Variants in RNF180 observed in about 807,000 individuals in gnomAD.
RNF180 encodes ring finger protein 180, also known as E3 ubiquitin-protein ligase RNF180.
In RNF180, 38 loss-of-function variants were observed where a neutral mutation model predicts 59.2. That is an observed-to-expected ratio of 0.64 (90% CI 0.50 to 0.84). RNF180 has a LOEUF of 0.84. Among genes scored for constraint, RNF180 ranks in the 40% least tolerant of loss-of-function variants. RNF180 has a pLI of 0.00. For synonymous variants in RNF180, 262 were observed against 240.3 expected (o/e 1.09, Z -0.84); for missense variants, 705 against 700.9 (o/e 1.01, Z -0.07).
chr5:64,279,049 A>G (rs771621317), intron 5 of RNF180, among the ~76,000 whole-genome samples: 2 of 152,194 alleles, frequency 1.3e-5, no homozygotes, highest in Non-Finnish European at 2.9e-5. Flanking sequence ...ATGACTACTC[A>G]AGGAGAATGT....
chr5:64,178,068 G>C (rs1407358936), intron 1 of RNF180, among the ~76,000 whole-genome samples: 1 of 152,032 alleles, frequency 6.6e-6, no homozygotes, highest in Non-Finnish European at 1.5e-5. Context: ...GCTGGGCATG[G>C]TGGTGTGTGC....
chr5:64,181,688 G>A (rs914040013), intron 1 of RNF180, among the ~76,000 whole-genome samples: 2 of 152,006 alleles, frequency 1.3e-5, no homozygotes, highest in African/African-American at 4.8e-5. Context: ...CCAAAGTCTG[G>A]GCAGATCTCT....
upstream of RNF180, chr5:64,165,736 T>C (rs1360620756): frequency 6.6e-6 from 1 of 152,202 alleles, no homozygotes; most frequent in African/African-American, 2.4e-5. Flanking sequence ...CCGCTGGCTG[T>C]GGCGGGCGAG....
At chr5:64,345,952 A>G (rs966102775) in intron 7 of RNF180, among the ~76,000 whole-genome samples, 2 of 151,360 alleles carry the variant, frequency 1.3e-5, no homozygotes, top group Non-Finnish European at 2.9e-5. Context: ...ACATAAAATA[A>G]CCAGCTTCTA....
intron 5 of RNF180, among the ~76,000 whole-genome samples, chr5:64,233,585 A>G (rs1478198820): frequency 6.6e-6 from 1 of 152,234 alleles, no homozygotes; most frequent in Non-Finnish European, 1.5e-5. Flanking sequence ...CTATAGACCA[A>G]TGTGTATTGA....
intron 1 of RNF180, among the ~76,000 whole-genome samples, chr5:64,192,404 T>C (rs2112008785): frequency 6.6e-6 from 1 of 152,232 alleles, no homozygotes; most frequent in Non-Finnish European, 1.5e-5. Flanking sequence ...CCAGGCGCAG[T>C]GGCTCACTCC....
intron 6 of RNF180, among the ~76,000 whole-genome samples, chr5:64,327,091 A>C (rs191409545): frequency 1.3e-5 from 2 of 152,096 alleles, no homozygotes; most frequent in African/African-American, 4.8e-5. Context: ...ACTGGTATAT[A>C]TTTTGTTGTT....
At chr5:64,300,027 C>T (rs1289324595) in intron 5 of RNF180, among the ~76,000 whole-genome samples, 1 of 151,718 alleles carries the variant, frequency 6.6e-6, no homozygotes, top group East Asian at 1.9e-4. Context: ...ATCAGATTGA[C>T]TGCCACTGTG....
chr5:64,237,104 C>T (rs1742489684), intron 5 of RNF180, among the ~76,000 whole-genome samples: 1 of 152,194 alleles, frequency 6.6e-6, no homozygotes, highest in African/African-American at 2.4e-5. Flanking sequence ...CTCCAGACCC[C>T]AGAATGCTAG....
intron 5 of RNF180, among the ~76,000 whole-genome samples, chr5:64,257,363 T>G (rs1744035995): frequency 6.6e-6 from 1 of 152,206 alleles, no homozygotes; most frequent in East Asian, 1.9e-4. Flanking sequence ...TCTTATTATT[T>G]TGAGATATGT....
intron 5 of RNF180, among the ~76,000 whole-genome samples, chr5:64,279,054 G>A (rs951545574): frequency 9.9e-5 from 15 of 152,124 alleles, no homozygotes; most frequent in African/African-American, 3.4e-4. Context: ...TACTCAAGGA[G>A]AATGTATACT....
rs199756898 is a variant in RNF180, at chr5:64,200,792, A to G, written c.1-16A>G. 830 of 1,606,668 alleles carry G rather than the reference A, an allele frequency of 5.2e-4. 7 individuals carry two copies. In the Middle Eastern group the frequency reaches 0.019, roughly 37 times the overall value. ...TGACAGTTTAACATTCTAAAAATGCACTAATGTTTCCGCAGATGAAAAGAA... is the reference window on the plus strand; with the variant it reads ...TGACAGTTTAACATTCTAAAAATGCGCTAATGTTTCCGCAGATGAAAAGAA... On this transcript the variant is annotated splice_polypyrimidine_tract_variant and intron_variant, in intron 1 of 7. Coordinates refer to ENST00000389100, the MANE Select transcript of RNF180 (RefSeq NM_001113561.2).
At chr5:64,204,199 T>G (rs1299616912) in intron 2 of RNF180, among the ~76,000 whole-genome samples, 1 of 152,216 alleles carries the variant, frequency 6.6e-6, no homozygotes, top group Non-Finnish European at 1.5e-5. Context: ...AAAGTCTTGT[T>G]GAAATTCTTG....
At chr5:64,210,579 G>A (rs1350267023) in intron 2 of RNF180, among the ~76,000 whole-genome samples, 1 of 152,122 alleles carries the variant, frequency 6.6e-6, no homozygotes, top group East Asian at 1.9e-4. Flanking sequence ...GAACAGTGGA[G>A]ATAGAATGTG....
chr5:64,340,735 G>C (rs1260700553), intron 7 of RNF180, among the ~76,000 whole-genome samples: 1 of 151,982 alleles, frequency 6.6e-6, no homozygotes, highest in Non-Finnish European at 1.5e-5. Flanking sequence ...CTTTTTAGCA[G>C]AATCAGGTTC....
rs533906901 is a variant in RNF180, at chr5:64,253,244, A to G, written c.1227+35848A>G. Among the ~76,000 whole-genome samples the G allele has an allele frequency of 6.5e-4, 99 of 152,258 alleles. 1 individual carries two copies. In the South Asian group the frequency reaches 0.02, roughly 31 times the overall value. ...TTATGAAGCTATGAACCTTCATTCTATGAGTTTTTCTTAATTCCAAAAACT... is the reference window on the plus strand; with the variant it reads ...TTATGAAGCTATGAACCTTCATTCTGTGAGTTTTTCTTAATTCCAAAAACT... On this transcript the variant is annotated intron_variant, in intron 5 of 7. Transcript: ENST00000389100.
At chr5:64,303,435 T>G (rs1743264506) in intron 5 of RNF180, among the ~76,000 whole-genome samples, 1 of 151,612 alleles carries the variant, frequency 6.6e-6, no homozygotes, top group Non-Finnish European at 1.5e-5. Flanking sequence ...GTTAGCTAAG[T>G]TGTGAAAGCA....
Position 64,369,862 on chromosome 5 carries a change from A to AG in RNF180, c.*48_*49insG. 1 of 1,032,640 alleles carries AG rather than the reference A, an allele frequency of 9.7e-7. No homozygotes were observed. Among genetic ancestry groups the AG allele is most frequent in the Non-Finnish European group, 1.3e-6 (1 of 762,784 alleles). The allele number at this position is 1,032,640 out of a possible 1,614,324, so 64.0% of individuals were successfully genotyped here. On this transcript the variant is annotated 3_prime_UTR_variant, in exon 8 of 8. Coordinates refer to ENST00000389100, the MANE Select transcript of RNF180 (RefSeq NM_001113561.2). ...TGACCAATCATAAATGATGTAAATA[A>AG]CAATTGCTTAAACATTTTTAAATGT... is the stretch of plus-strand genomic sequence containing the variant.
intron 5 of RNF180, among the ~76,000 whole-genome samples, chr5:64,267,214 G>A (rs1469507823): frequency 1.3e-5 from 2 of 151,974 alleles, no homozygotes; most frequent in East Asian, 1.9e-4. Context: ...TGTACCATCA[G>A]TCTCTTTGGC....
Sources: gnomAD v4.1 joint callset for allele counts (sites outside exome capture counted in the v4.1 genomes callset) on GRCh38, gnomAD v4.1.1 for gene constraint, MANE v1.5 for transcripts, NCBI Gene and HGNC (gene_info 2026-07-23, HGNC 2026-07-21) for gene names.